Variants in SLC4A10 observed in about 807,000 individuals in gnomAD.
The protein encoded by SLC4A10 is solute carrier family 4 member 10.
Under a neutral mutation model 137.7 loss-of-function variants are expected in SLC4A10, and 42 were observed. That is an observed-to-expected ratio of 0.30 (90% CI 0.24 to 0.39). SLC4A10 has a LOEUF of 0.39. Ranked by LOEUF, SLC4A10 falls within the 10% of genes least tolerant of loss-of-function variation. The probability of loss-of-function intolerance (pLI) is 1.00; values close to 1 mark genes in which losing one functional copy is unlikely to be tolerated. For missense variants in SLC4A10, 925 were observed against 1,355.0 expected, an observed-to-expected ratio of 0.68 and a Z score of 4.98; for synonymous variants, 474 against 464.1, an observed-to-expected ratio of 1.02 and a Z score of -0.27.
chr2:161,893,034 C>A (rs959342840), intron 10 of SLC4A10, among the ~76,000 whole-genome samples: 1 of 152,060 alleles, frequency 6.6e-6, no homozygotes, highest in Non-Finnish European at 1.5e-5. Context: ...GAAGCTCTAG[C>A]TGGACCTGTG....
chr2:161,812,760 C>T (rs926550549), intron 3 of SLC4A10, among the ~76,000 whole-genome samples: 1 of 151,958 alleles, frequency 6.6e-6, no homozygotes, highest in East Asian at 1.9e-4. Flanking sequence ...TCTTTATCCA[C>T]CTCACCCTAA....
chr2:161,740,397 A>G (rs1054441035), intron 1 of SLC4A10, among the ~76,000 whole-genome samples: 1 of 152,102 alleles, frequency 6.6e-6, no homozygotes, highest in Admixed American at 6.6e-5. Context: ...CCATTTTATT[A>G]TGGAACTCTT....
At chr2:161,961,841 T>C (rs1035287207) in intron 21 of SLC4A10, among the ~76,000 whole-genome samples, 1 of 152,144 alleles carries the variant, frequency 6.6e-6, no homozygotes, top group Non-Finnish European at 1.5e-5. Flanking sequence ...GAGTTAAATA[T>C]AATGAGTTTT....
chr2:161,983,316 C>A lies in SLC4A10; in HGVS notation c.*164C>A. 1 of 1,385,382 alleles carries A rather than the reference C, an allele frequency of 7.2e-7. No individual in the cohort carries two copies. Among genetic ancestry groups the A allele is most frequent in the South Asian group, 1.3e-5 (1 of 78,778 alleles). 85.8% of individuals were successfully genotyped at this position (1,385,382 alleles called of 1,614,324 possible). On this transcript the variant is annotated 3_prime_UTR_variant, in exon 27 of 27. Transcript: ENST00000446997. ...CAATTATTAATAAAACTGCTTTGAT[C>A]ATGTATTGTAAATTCTGTCCCTCAA...
chr2:161,942,995 TATAAAACTA>T, intron 16 of SLC4A10, 98 bp downstream of exon 16: 1 of 786,704 alleles, frequency 1.3e-6, no homozygotes. Flanking sequence ...GAATGCATAA[TATAAAACTA>T]ATAGTTGTGT....
intron 1 of SLC4A10, among the ~76,000 whole-genome samples, chr2:161,644,783 G>A (rs1465040127): frequency 6.6e-6 from 1 of 152,090 alleles, no homozygotes; most frequent in African/African-American, 2.4e-5. Context: ...GTGTTCATAA[G>A]CTTCTGTTTT....
At chr2:161,838,865 A>G (rs1037825450) in intron 3 of SLC4A10, among the ~76,000 whole-genome samples, 3 of 152,226 alleles carry the variant, frequency 2.0e-5, no homozygotes, top group African/African-American at 7.2e-5. Context: ...TGCTCCTGGG[A>G]ATGCAAAATG....
intron 1 of SLC4A10, among the ~76,000 whole-genome samples, chr2:161,681,002 A>G (rs1193530038): frequency 6.6e-6 from 1 of 152,172 alleles, no homozygotes; most frequent in Admixed American, 6.6e-5. Flanking sequence ...TATAACTTCA[A>G]TTTAACTTTC....
chr2:161,972,456 C>T (rs186420077), intron 23 of SLC4A10, among the ~76,000 whole-genome samples: 1 of 152,274 alleles, frequency 6.6e-6, no homozygotes, highest in African/African-American at 2.4e-5. Context: ...TGCTAAAATG[C>T]TTGAATGAGT....
At chr2:161,819,734 T>C (rs1413653370) in intron 3 of SLC4A10, among the ~76,000 whole-genome samples, 1 of 152,160 alleles carries the variant, frequency 6.6e-6, no homozygotes, top group Non-Finnish European at 1.5e-5. Context: ...GACCTCGTGA[T>C]CCACCCGCAC....
At chr2:161,678,365 A>G (rs528975695) in intron 1 of SLC4A10, among the ~76,000 whole-genome samples, 2 of 152,176 alleles carry the variant, frequency 1.3e-5, no homozygotes, top group African/African-American at 4.8e-5. Context: ...TGTACACTTG[A>G]AGCTGGATGC....
intron 10 of SLC4A10, among the ~76,000 whole-genome samples, chr2:161,886,638 T>A (rs1015847314): frequency 6.6e-6 from 1 of 152,194 alleles, no homozygotes; most frequent in African/African-American, 2.4e-5. Flanking sequence ...AATTTTTTTG[T>A]GTGCTTCGTT....
chr2:161,640,388 G>A (rs1014157639), intron 1 of SLC4A10, among the ~76,000 whole-genome samples: 3 of 151,996 alleles, frequency 2.0e-5, no homozygotes, highest in African/African-American at 7.2e-5. Context: ...GGAGCTGCTG[G>A]GCTCATTTTT....
At chr2:161,814,736 G>A (rs1039035713) in intron 3 of SLC4A10, among the ~76,000 whole-genome samples, 14 of 152,108 alleles carry the variant, frequency 9.2e-5, no homozygotes, top group African/African-American at 3.4e-4. Context: ...TGAACATAAC[G>A]ATGGCAACAA....
chr2:161,649,271 G>A (rs2036481015), intron 1 of SLC4A10, among the ~76,000 whole-genome samples: 1 of 152,202 alleles, frequency 6.6e-6, no homozygotes, highest in African/African-American at 2.4e-5. Flanking sequence ...TGAAATGGGA[G>A]GATGTCTTGA....
At chr2:161,944,684 A>G (rs140675646) in intron 16 of SLC4A10, among the ~76,000 whole-genome samples, 56 of 151,796 alleles carry the variant, frequency 3.7e-4, no homozygotes, top group South Asian at 1.0e-3. Flanking sequence ...AGTTAAAAGC[A>G]GTTTTTGCAA....
chr2:161,722,117 G>T (rs1016577413), intron 1 of SLC4A10, among the ~76,000 whole-genome samples: 16 of 152,124 alleles, frequency 1.1e-4, no homozygotes. Flanking sequence ...TTTGCATTGG[G>T]TTAGAACGTA....
chr2:161,956,013 C>T (rs896441274), intron 19 of SLC4A10, among the ~76,000 whole-genome samples: 37 of 152,242 alleles, frequency 2.4e-4, no homozygotes, highest in Non-Finnish European at 4.9e-4. Flanking sequence ...AGAGGAAATA[C>T]TGAGAAATTA....
intron 25 of SLC4A10, 95 bp from the exon 26 acceptor site, chr2:161,977,627 G>A (rs1046587481): frequency 2.0e-6 from 2 of 998,332 alleles, no homozygotes; most frequent in South Asian, 1.7e-5. Flanking sequence ...TGAGGGAATT[G>A]GGACAGTGTT....
Sources: allele counts gnomAD v4.1 joint callset (sites outside exome capture counted in the v4.1 genomes callset), GRCh38; gene constraint gnomAD v4.1.1; transcripts MANE v1.5; gene names NCBI Gene and HGNC (gene_info 2026-07-23, HGNC 2026-07-21).